The following C11orf24 variants were observed in gnomAD, a reference collection of about 807,000 sequenced individuals.
C11orf24 encodes chromosome 11 open reading frame 24.
In C11orf24, 5 loss-of-function variants were observed where a neutral mutation model predicts 7.3. The observed-to-expected ratio is 0.69, with a 90% confidence interval of 0.36 to 1.45. The LOEUF (loss-of-function observed/expected upper bound fraction) is 1.45, where lower values mean the gene tolerates loss of function less well. Among genes scored for constraint, C11orf24 ranks in the 40% most tolerant of loss-of-function variants. The pLI is 0.03. For synonymous variants in C11orf24, 233 were observed against 235.7 expected (o/e 0.99, Z 0.11); for missense variants, 566 against 590.5 (o/e 0.96, Z 0.43).
At chr11:68,264,358 C>T (rs1213887352) in intron 2 of C11orf24, among the ~76,000 whole-genome samples, 2 of 151,756 alleles carry the variant, frequency 1.3e-5, no homozygotes, top group African/African-American at 4.8e-5. Context: ...ATCCATCCAC[C>T]TGCCCGCCCA....
Position 68,261,925 on chromosome 11 carries a change from G to T in C11orf24, c.1070C>A (p.Ser357Tyr), listed in dbSNP as rs2098561898. The change falls in exon 4 of 4, where the codon TCC becomes TAC. Residue 357 changes from serine (S) to tyrosine (Y), a missense_variant. Ser to Tyr is a moderately radical substitution (Grantham distance 144). Transcript: ENST00000304271. ...VETEATPGTDSTGPTPRSSGG... is the reference protein window; with the variant it reads ...VETEATPGTDYTGPTPRSSGG... ...TGAGCTCCTGGGTGTTGGCCCAGTG[G>T]AATCAGTACCTGGTGTGGCTTCAGT... is the stretch of plus-strand genomic sequence containing the variant. 1 of 1,613,954 alleles carries T rather than the reference G, an allele frequency of 6.2e-7. No homozygotes were observed. Among genetic ancestry groups the T allele is most frequent in the African/African-American group, 1.3e-5 (1 of 75,062 alleles).
At chr11:68,270,696 A>T (rs1253873754) in intron 1 of C11orf24, among the ~76,000 whole-genome samples, 3 of 152,088 alleles carry the variant, frequency 2.0e-5, no homozygotes, top group Non-Finnish European at 4.4e-5. Context: ...TTACCCCCAC[A>T]TTCTATCAGG....
intron 1 of C11orf24, among the ~76,000 whole-genome samples, chr11:68,271,395 A>G (rs1215035641): frequency 2.0e-5 from 3 of 152,142 alleles, no homozygotes; most frequent in Non-Finnish European, 4.4e-5. Context: ...CCACCCAGGT[A>G]GAGAGAGGGT....
At position 68,268,655 on chromosome 11, in the gene C11orf24, G is replaced by A. The variant is rs1237866161; in HGVS notation, c.-297-404C>T. On this transcript the variant is annotated intron_variant, in intron 1 of 3. Transcript: ENST00000304271. The stretch of plus-strand genomic sequence containing the variant: ...TGCAGTGAGCCGAGATTGAGCCACT[G>A]CACTCTAGCCTGGGCAATAAGAGCA... 2.0e-5 allele frequency among the ~76,000 whole-genome samples: 3 copies of A among 152,190 alleles called. 1 individual carries two copies. Among genetic ancestry groups the A allele is most frequent in the Non-Finnish European group, 4.4e-5 (3 of 68,030 alleles).
At chr11:68,266,445 C>T (rs1324552365) in intron 2 of C11orf24, among the ~76,000 whole-genome samples, 1 of 152,214 alleles carries the variant, frequency 6.6e-6, no homozygotes, top group Non-Finnish European at 1.5e-5. Context: ...ACGAGACTTC[C>T]GGTCTCTTTC....
Position 68,262,192 on chromosome 11 carries a change from T to A in C11orf24, c.803A>T (p.Asn268Ile). The A allele has an allele frequency of 6.2e-7, 1 of 1,613,642 alleles. No homozygotes were observed. The highest frequency in any genetic ancestry group is 8.5e-7 in the Non-Finnish European group (1 of 1,179,692). The change falls in exon 4 of 4, where the codon AAC (asparagine) becomes ATC (isoleucine). Residue 268 changes from asparagine to isoleucine, a missense_variant. Asn to Ile is a moderately radical substitution (Grantham distance 149). Coordinates refer to ENST00000304271, the MANE Select transcript of C11orf24 (RefSeq NM_022338.4). ...SQVSVDQPVV[N>I]TTNKSTPMPS... ...CATGGGTGTGGATTTATTTGTTGTGTTAACCACAGGCTGGTCCACTGACAC... is the reference window on the plus strand; with the variant it reads ...CATGGGTGTGGATTTATTTGTTGTGATAACCACAGGCTGGTCCACTGACAC...
rs571814219 is a variant in C11orf24, at chr11:68,262,396, G to A, written c.599C>T (p.Ala200Val). 153 of 1,614,202 alleles carry A rather than the reference G, an allele frequency of 9.5e-5. No individual in the cohort carries two copies. In the South Asian group the frequency reaches 1.2e-3, roughly 13 times the overall value. The change falls in exon 4 of 4, where the codon GCG (alanine) becomes GTG (valine). Residue 200 changes from alanine (A) to valine (V), a missense_variant. Physicochemically the swap from Ala to Val is moderately conservative, Grantham distance 64. Coordinates refer to ENST00000304271, the MANE Select transcript of C11orf24 (RefSeq NM_022338.4). ...TALAQVPKSS[A>V]LPRTATLATL... ...GGCCAGGGTTGCTGTTCTTGGCAAC[G>A]CGCTGCTCTTTGGCACTTGTGCGAG... is the stretch of plus-strand genomic sequence containing the variant.
At position 68,268,259 on chromosome 11, in the gene C11orf24, T is replaced by G. The variant is rs1268786354; in HGVS notation, c.-297-8A>C. 1 of 152,196 alleles carries G rather than the reference T, an allele frequency of 6.6e-6. No individual in the cohort carries two copies. The highest frequency in any genetic ancestry group is 2.4e-5 in the African/African-American group (1 of 41,444). 9.4% of individuals were successfully genotyped at this position (152,196 alleles called of 1,614,324 possible). On this transcript the variant is annotated splice_region_variant and splice_polypyrimidine_tract_variant and intron_variant, in intron 1 of 3. Coordinates refer to ENST00000304271, the MANE Select transcript of C11orf24 (RefSeq NM_022338.4). ...CTCTAGTAACAGACGCATCTAGAGT[T>G]TGAAAAAAAGTCCACATTCCTTATG...
chr11:68,265,171 G>A (rs923347), intron 2 of C11orf24, among the ~76,000 whole-genome samples: 91,483 of 152,028 alleles, frequency 0.6, 27,810 homozygotes, highest in South Asian at 0.71. Flanking sequence ...AAGGAAGAGC[G>A]TGGTGAGGCG....
chr11:68,264,169 G>C (rs537832144), intron 2 of C11orf24, among the ~76,000 whole-genome samples: 5 of 152,110 alleles, frequency 3.3e-5, no homozygotes, highest in Non-Finnish European at 7.4e-5. Context: ...ACTTGGTTGT[G>C]TTCATAGGGT....
rs539972555 is a variant in C11orf24, at chr11:68,261,611, A to G, written c.*34T>C. ...CAAAGGCAAAAGGAAAGGACGAGGA[A>G]GGGGCCAGGCCTCCCGCCAGGCCCC... On this transcript the variant is annotated 3_prime_UTR_variant, in exon 4 of 4. Coordinates refer to ENST00000304271, the MANE Select transcript of C11orf24 (RefSeq NM_022338.4). 1.2e-5 allele frequency: 18 copies of G among 1,557,928 alleles called. No homozygotes were observed. Among genetic ancestry groups the G allele is most frequent in the Non-Finnish European group, 1.5e-5 (17 of 1,148,974 alleles).
chr11:68,269,107 CCTT>C (rs756438803), intron 1 of C11orf24, among the ~76,000 whole-genome samples: 224 of 100,886 alleles, frequency 2.2e-3, no homozygotes, highest in Middle Eastern at 6.2e-3. Flanking sequence ...TCATATCTTT[CCTT>C]CTTTTTTTTT....
chr11:68,262,426 G>T lies in C11orf24; in HGVS notation c.569C>A (p.Thr190Lys). ...TTATGHPSLS[T>K]ALAQVPKSSA... ...GCTCTTTGGCACTTGTGCGAGGGCT[G>T]TGCTGAGAGATGGATGCCCAGTGGC... is the stretch of plus-strand genomic sequence containing the variant. Residue 190 changes from threonine to lysine, a missense_variant, in exon 4 of 4, where the codon ACA becomes AAA. Thr to Lys is a moderately conservative substitution (Grantham distance 78). Coordinates refer to ENST00000304271, the MANE Select transcript of C11orf24 (RefSeq NM_022338.4). 1 of 1,614,184 alleles carries T rather than the reference G, an allele frequency of 6.2e-7. No individual in the cohort carries two copies. Among genetic ancestry groups the T allele is most frequent in the Non-Finnish European group, 8.5e-7 (1 of 1,180,024 alleles).
rs1332311641 is a variant in C11orf24 at position 68,263,499 on chromosome 11, C to T, written c.76+193G>A. 3.3e-5 allele frequency: 19 copies of T among 579,392 alleles called. No homozygotes were observed. In the Admixed American group the frequency reaches 5.5e-4, roughly 17 times the overall value. 35.9% of individuals were successfully genotyped at this position (579,392 alleles called of 1,614,324 possible). On this transcript the variant is annotated intron_variant, in intron 3 of 3. Coordinates refer to ENST00000304271, the MANE Select transcript of C11orf24 (RefSeq NM_022338.4). ...ACCTTTCAGGGCTCAGCTGCCTGGT[C>T]CTGCTAGGGGCTCTTTGCCCACCAT...
Position 68,262,658 on chromosome 11 carries a change from T to C in C11orf24, c.337A>G (p.Ser113Gly), listed in dbSNP as rs759073751. 5.0e-6 allele frequency: 8 copies of C among 1,614,098 alleles called. No homozygotes were observed. The East Asian group carries it at 1.8e-4, about 36-fold the overall frequency. Reference protein sequence around the residue: ...TSIAPTAVASSTTAASITTAA... With the variant: ...TSIAPTAVASGTTAASITTAA... Reference sequence around the variant, plus strand: ...GTCGTAATGGAGGCCGCAGTCGTACTGGAGGCCACAGCCGTGGGAGCAATG... The same window carrying C: ...GTCGTAATGGAGGCCGCAGTCGTACCGGAGGCCACAGCCGTGGGAGCAATG... The change falls in exon 4 of 4, where the codon AGT becomes GGT. Residue 113 changes from serine (S) to glycine (G), a missense_variant. Physicochemically the swap from Ser to Gly is moderately conservative, Grantham distance 56 (BLOSUM62 0). Coordinates refer to ENST00000304271, the MANE Select transcript of C11orf24 (RefSeq NM_022338.4).
chr11:68,262,027 G>T lies in C11orf24; in HGVS notation c.968C>A (p.Thr323Lys). ...PIPEMEAMSP[T>K]TQPSPMPYTQ... ...ATATGGCATGGGGCTTGGCTGTGTC[G>T]TGGGGGACATGGCCTCCATCTCAGG... The change falls in exon 4 of 4, where the codon ACG becomes AAG. Residue 323 changes from threonine to lysine, a missense_variant. By Grantham distance (78) the Thr-to-Lys change is moderately conservative. Coordinates refer to ENST00000304271, the MANE Select transcript of C11orf24 (RefSeq NM_022338.4). 1.9e-6 allele frequency: 3 copies of T among 1,614,074 alleles called. No homozygotes were observed. The highest frequency in any genetic ancestry group is 1.3e-5 in the African/African-American group (1 of 75,030).
chr11:68,264,857 G>A (rs557024300), intron 2 of C11orf24, among the ~76,000 whole-genome samples: 1 of 151,730 alleles, frequency 6.6e-6, no homozygotes, highest in South Asian at 2.1e-4. Flanking sequence ...GGTCATTGCA[G>A]GCTGGCACAA....
rs138994510 is a variant in C11orf24 at position 68,262,843 on chromosome 11, G to A, written c.152C>T (p.Thr51Met). Residue 51 changes from threonine (T) to methionine (M), a missense_variant, in exon 4 of 4, where the codon ACG (threonine) becomes ATG (methionine). By Grantham distance (81) the Thr-to-Met change is moderately conservative (BLOSUM62 -1). Transcript: ENST00000304271. ...NASVETVDNKTSEDVTMAAAS... is the reference protein window; with the variant it reads ...NASVETVDNKMSEDVTMAAAS... ...TGCTGCCATGGTTACATCCTCAGAC[G>A]TTTTATTATCAACTGTTTCCACAGA... 35 of 1,614,124 alleles carry A rather than the reference G, an allele frequency of 2.2e-5. No individual in the cohort carries two copies. In the East Asian group the frequency reaches 4.5e-4, roughly 21 times the overall value.
chr11:68,267,546 G>A (rs1591134729), intron 2 of C11orf24: 1 of 152,250 alleles, frequency 6.6e-6, no homozygotes, highest in East Asian at 1.9e-4. Flanking sequence ...CACCACCCCA[G>A]TCCACTCAGA....
Sources: gnomAD v4.1 joint callset for allele counts (sites outside exome capture counted in the v4.1 genomes callset) on GRCh38, gnomAD v4.1.1 for gene constraint, MANE v1.5 for transcripts, NCBI Gene and HGNC (gene_info 2026-07-23, HGNC 2026-07-21) for gene names.